MBNL2: variants seen among roughly 807,000 people sequenced by gnomAD.
MBNL2 encodes muscleblind-like protein 2.
In MBNL2, 17 loss-of-function variants were observed where a neutral mutation model predicts 41.9. The observed-to-expected ratio is 0.41, with a 90% CI of 0.28 to 0.61. The LOEUF (loss-of-function observed/expected upper bound fraction) is 0.61. MBNL2 is among the 20% of genes least tolerant of loss of function. MBNL2 has a pLI of 0.35. For synonymous variants in MBNL2, 195 were observed against 182.9 expected (o/e 1.07, Z -0.53); for missense variants, 336 against 505.6 (o/e 0.66, Z 3.22).
chr13:97,284,913 ATAGT>A (rs766160766), intron 2 of MBNL2, among the ~76,000 whole-genome samples: 16 of 152,236 alleles, frequency 1.1e-4, no homozygotes, highest in Non-Finnish European at 1.6e-4. Context: ...GTAGTTTTTA[ATAGT>A]TAGGTTTGTT....
chr13:97,144,662 A>G, the MBNL2 span, among the ~76,000 whole-genome samples: 1 of 151,578 alleles, frequency 6.6e-6, no homozygotes, highest in African/African-American at 2.4e-5. Flanking sequence ...CAAAACCCTG[A>G]CCTCAGGTAA....
At chr13:97,273,528 A>T (rs182156840) in intron 1 of MBNL2, among the ~76,000 whole-genome samples, 1 of 152,354 alleles carries the variant, frequency 6.6e-6, no homozygotes, top group Admixed American at 6.5e-5. Context: ...AATATTTTAT[A>T]ATTGAAGTTT....
chr13:97,181,993 A>T, the MBNL2 span, among the ~76,000 whole-genome samples: 1 of 152,218 alleles, frequency 6.6e-6, no homozygotes, highest in South Asian at 2.1e-4. Flanking sequence ...TTTTAGGCTC[A>T]TCATTGCCAC....
intron 1 of MBNL2, among the ~76,000 whole-genome samples, chr13:97,264,464 G>C (rs2049325671): frequency 6.6e-6 from 1 of 152,176 alleles, no homozygotes; most frequent in African/African-American, 2.4e-5. Flanking sequence ...ACAAACAGGT[G>C]ACAGCTTCTG....
the MBNL2 span, among the ~76,000 whole-genome samples, chr13:97,159,655 A>G: frequency 6.0e-5 from 9 of 149,082 alleles, no homozygotes; most frequent in East Asian, 1.6e-3. Context: ...TTCACTTATG[A>G]AGCTTAGTTT....
At chr13:97,299,523 C>T (rs922358124) in intron 2 of MBNL2, among the ~76,000 whole-genome samples, 4 of 152,160 alleles carry the variant, frequency 2.6e-5, no homozygotes, top group Non-Finnish European at 5.9e-5. Context: ...TAGAGAAATA[C>T]TTGTGCATTT....
At chr13:97,259,211 T>C (rs1230676736) in intron 1 of MBNL2, among the ~76,000 whole-genome samples, 2 of 152,130 alleles carry the variant, frequency 1.3e-5, no homozygotes, top group Admixed American at 6.5e-5. Context: ...CACCACATCA[T>C]GAAGACTGGG....
chr13:97,341,184 C>A (rs1290757056), intron 3 of MBNL2, among the ~76,000 whole-genome samples: 1 of 152,140 alleles, frequency 6.6e-6, no homozygotes, highest in African/African-American at 2.4e-5. Context: ...TTTGGCCATG[C>A]ATCAGATCAT....
rs140686742 is a variant in MBNL2, at chr13:97,368,475, G to C, written c.1048+3304G>C. 4.2e-3 allele frequency among the ~76,000 whole-genome samples: 633 copies of C among 149,534 alleles called. 9 individuals are homozygous for C. Among genetic ancestry groups the C allele is most frequent in the East Asian group, 0.028 (143 of 5,142 alleles). ...GTATAATATAGCAGTATTTGTTACA[G>C]TGAAATTCTATATGATAAGTTTAGC... is the stretch of plus-strand genomic sequence containing the variant. On this transcript the variant is annotated intron_variant, in intron 8 of 8. Coordinates refer to ENST00000679496, the MANE Select transcript of MBNL2 (RefSeq NM_001382683.1).
At chr13:97,335,872 C>G (rs1322296235) in intron 3 of MBNL2, among the ~76,000 whole-genome samples, 1 of 152,196 alleles carries the variant, frequency 6.6e-6, no homozygotes, top group Non-Finnish European at 1.5e-5. Flanking sequence ...TTATGGTTCT[C>G]TCTTTATTGA....
At chr13:97,244,379 G>A (rs1437061653) in intron 1 of MBNL2, among the ~76,000 whole-genome samples, 1 of 152,212 alleles carries the variant, frequency 6.6e-6, no homozygotes. Flanking sequence ...CCAGGCCAGT[G>A]TCTCGTTAAC....
At chr13:97,180,808 T>C in the MBNL2 span, among the ~76,000 whole-genome samples, 1,152 of 151,632 alleles carry the variant, frequency 7.6e-3, 13 homozygotes, top group African/African-American at 0.027. Context: ...TATACAAAAT[T>C]GAAAATTGTC....
intron 2 of MBNL2, among the ~76,000 whole-genome samples, chr13:97,317,368 CAG>C (rs2059147864): frequency 6.6e-6 from 1 of 152,208 alleles, no homozygotes; most frequent in African/African-American, 2.4e-5. Flanking sequence ...GTGGACCCCA[CAG>C]AGTGTCAAAG....
At chr13:97,297,005 C>T (rs529095844) in intron 2 of MBNL2, among the ~76,000 whole-genome samples, 2 of 152,336 alleles carry the variant, frequency 1.3e-5, no homozygotes, top group South Asian at 2.1e-4. Context: ...GTCTGTGGCC[C>T]TGTCCTGATC....
chr13:97,159,464 G>A, the MBNL2 span, among the ~76,000 whole-genome samples: 6 of 151,310 alleles, frequency 4.0e-5, no homozygotes, highest in South Asian at 4.2e-4. Context: ...TATTTTGCTC[G>A]TTCGTTGATG....
In MBNL2 at chr13:97,334,183, T is replaced by C. The variant is rs1045430071; in HGVS notation, c.175-93T>C. On this transcript the variant is annotated intron_variant, in intron 2 of 8. Coordinates refer to ENST00000679496, the MANE Select transcript of MBNL2 (RefSeq NM_001382683.1). The surrounding 1 kb of genome is among the most constrained non-coding windows in gnomAD (Gnocchi z 5.3). Reference sequence around the variant, plus strand: ...ACACACACACACACACACAGGATCCTTGCTTTTGTGCATAAGAAGTGATTG... The same window carrying C: ...ACACACACACACACACACAGGATCCCTGCTTTTGTGCATAAGAAGTGATTG... The C allele has an allele frequency of 2.2e-6, 2 of 904,356 alleles. No individual in the cohort carries two copies. Among genetic ancestry groups the C allele is most frequent in the Non-Finnish European group, 3.4e-6 (2 of 594,060 alleles). 56.0% of individuals were successfully genotyped at this position (904,356 alleles called of 1,614,324 possible). A position where few individuals can be genotyped will look rare whatever the true frequency, so the allele number is the denominator to read the frequency against.
At chr13:97,238,841 G>T (rs1308312477) in intron 1 of MBNL2, among the ~76,000 whole-genome samples, 1 of 152,180 alleles carries the variant, frequency 6.6e-6, no homozygotes, top group African/African-American at 2.4e-5. Context: ...GCCTGCTGGG[G>T]ATTCATGAGC....
chr13:97,230,485 T>C (rs2042230766), intron 1 of MBNL2, among the ~76,000 whole-genome samples: 1 of 152,144 alleles, frequency 6.6e-6, no homozygotes, highest in Non-Finnish European at 1.5e-5. Flanking sequence ...AGGCTACAAA[T>C]ACAAGCTCAG....
intron 5 of MBNL2, among the ~76,000 whole-genome samples, chr13:97,347,368 G>A (rs763738292): frequency 2.0e-5 from 3 of 152,178 alleles, no homozygotes; most frequent in Non-Finnish European, 2.9e-5. Context: ...CTTTTTAAGA[G>A]AGGCTCAGGG....
Sources: gnomAD v4.1 joint callset for allele counts (sites outside exome capture counted in the v4.1 genomes callset) on GRCh38, gnomAD v4.1.1 for gene constraint, Gnocchi (gnomAD v3.1) non-coding constraint, MANE v1.5 for transcripts, NCBI Gene and HGNC (gene_info 2026-07-23, HGNC 2026-07-21) for gene names.